ASB3: variants seen among roughly 807,000 people sequenced by gnomAD.
ASB3 encodes the protein ankyrin repeat and SOCS box containing 3.
ASB3 carries 41 observed loss-of-function variants against 54.5 expected under a neutral mutation model. The ratio of observed to expected loss-of-function variants is 0.75; its 90% CI spans 0.59 to 0.98. ASB3 has a LOEUF of 0.98. Ranked by LOEUF, ASB3 falls within the 50% of genes least tolerant of loss-of-function variation. ASB3 has a pLI of 0.00. For synonymous variants in ASB3, 266 were observed against 221.2 expected (o/e 1.20, Z -1.80); for missense variants, 733 against 620.0 (o/e 1.18, Z -1.94).
At chr2:53,723,988 G>GA (rs941628663) in intron 5 of ASB3, among the ~76,000 whole-genome samples, 25 of 150,656 alleles carry the variant, frequency 1.7e-4, no homozygotes, top group Non-Finnish European at 3.1e-4. Context: ...ATCCTAGTTA[G>GA]AAAAAAAAAT....
intron 1 of ASB3, among the ~76,000 whole-genome samples, chr2:53,781,499 T>A (rs1361596596): frequency 6.6e-6 from 1 of 151,520 alleles, no homozygotes; most frequent in African/African-American, 2.4e-5. Context: ...TTCTTTCCAT[T>A]TTTTTTTTCT....
At chr2:53,683,072 T>C (rs1180527756) in intron 9 of ASB3, among the ~76,000 whole-genome samples, 1 of 152,192 alleles carries the variant, frequency 6.6e-6, no homozygotes, top group East Asian at 1.9e-4. Context: ...GAGGAAAAGC[T>C]TCAAGTATTT....
chr2:53,740,689 G>C (rs1164318873), intron 3 of ASB3, among the ~76,000 whole-genome samples: 2 of 152,104 alleles, frequency 1.3e-5, no homozygotes, highest in African/African-American at 4.8e-5. Context: ...TTATGTTAGG[G>C]ATATAACAAA....
intron 1 of ASB3, among the ~76,000 whole-genome samples, chr2:53,785,224 G>T (rs1470789328): frequency 6.6e-6 from 1 of 152,140 alleles, no homozygotes; most frequent in African/African-American, 2.4e-5. Flanking sequence ...CATAACCTTA[G>T]TTTCTTTGCA....
chr2:53,703,580 C>G (rs1333505526), intron 7 of ASB3, among the ~76,000 whole-genome samples: 1 of 152,182 alleles, frequency 6.6e-6, no homozygotes, highest in Non-Finnish European at 1.5e-5. Flanking sequence ...GCCTGGGCAA[C>G]AGAGTGAAAT....
chr2:53,728,875 A>T (rs1447934169), intron 4 of ASB3, 28 bp from the exon 5 acceptor site: 8 of 1,552,532 alleles, frequency 5.2e-6, no homozygotes, highest in Non-Finnish European at 7.0e-6. Context: ...ATTTTAAATA[A>T]GAAAAAAACA....
chr2:53,765,322 A>T, intron 2 of ASB3, 55 bp downstream of exon 2: 1 of 1,605,138 alleles, frequency 6.2e-7, no homozygotes, highest in Admixed American at 1.7e-5. Context: ...ATACTTTTTT[A>T]TGTTTTATTA....
At chr2:53,782,251 T>C (rs1250249055) in intron 1 of ASB3, among the ~76,000 whole-genome samples, 2 of 152,128 alleles carry the variant, frequency 1.3e-5, no homozygotes, top group East Asian at 3.9e-4. Context: ...TACATTTTCC[T>C]CCGCTTCCTA....
At chr2:53,747,902 A>T (rs542373659) in intron 3 of ASB3, among the ~76,000 whole-genome samples, 1 of 152,346 alleles carries the variant, frequency 6.6e-6, no homozygotes, top group South Asian at 2.1e-4. Context: ...GGGATATAGC[A>T]CATAGTGTTT....
intron 8 of ASB3, among the ~76,000 whole-genome samples, chr2:53,697,387 C>A (rs1415032194): frequency 1.3e-5 from 2 of 152,146 alleles, no homozygotes; most frequent in African/African-American, 4.8e-5. Context: ...TGCTGCTCTG[C>A]CTATGAAATA....
chr2:53,768,216 A>G, intron 1 of ASB3: 1 of 605,654 alleles, frequency 1.7e-6, no homozygotes, highest in African/African-American at 1.9e-5. Context: ...ACTCCTTCCG[A>G]AGCTGCTTAA....
At chr2:53,723,553 C>T (rs974648760) in intron 5 of ASB3, among the ~76,000 whole-genome samples, 5 of 152,066 alleles carry the variant, frequency 3.3e-5, no homozygotes, top group East Asian at 3.8e-4. Context: ...AAACTACCGA[C>T]ACCATTTTTT....
chr2:53,673,825 C>G (rs757511874), intron 9 of ASB3, among the ~76,000 whole-genome samples: 2 of 152,122 alleles, frequency 1.3e-5, no homozygotes, highest in Non-Finnish European at 2.9e-5. Context: ...TTTAATTGCA[C>G]CATTTTGGTT....
At chr2:53,707,974 A>AAAAG (rs1297280289) in intron 7 of ASB3, among the ~76,000 whole-genome samples, 34 of 149,348 alleles carry the variant, frequency 2.3e-4, no homozygotes, top group African/African-American at 5.1e-4. Context: ...AAAAAAAAAA[A>AAAAG]AAAGAAAGAA....
chr2:53,758,038 A>C (rs1301431062), intron 2 of ASB3, among the ~76,000 whole-genome samples: 1 of 152,228 alleles, frequency 6.6e-6, no homozygotes, highest in Non-Finnish European at 1.5e-5. Context: ...AGAGGGAGAG[A>C]GAGAAAAAGA....
At chr2:53,711,398 T>C (rs902573867) in intron 7 of ASB3, among the ~76,000 whole-genome samples, 5 of 152,184 alleles carry the variant, frequency 3.3e-5, no homozygotes, top group African/African-American at 9.7e-5. Flanking sequence ...ATTAAACAAC[T>C]GGTCAATTAA....
chr2:53,720,123 G>C (rs1348708022), intron 5 of ASB3, among the ~76,000 whole-genome samples: 5 of 142,936 alleles, frequency 3.5e-5, no homozygotes, highest in Admixed American at 3.5e-4. Context: ...CCTTTGGAAA[G>C]GCTAATCAGA....
chr2:53,727,690 A>C (rs1260740742), intron 5 of ASB3, among the ~76,000 whole-genome samples: 2 of 152,096 alleles, frequency 1.3e-5, no homozygotes, highest in African/African-American at 4.8e-5. Flanking sequence ...TTTTCTATTT[A>C]AAGGAAGTTT....
intron 3 of ASB3, among the ~76,000 whole-genome samples, chr2:53,742,391 T>C (rs975743600): frequency 6.6e-6 from 1 of 151,834 alleles, no homozygotes; most frequent in African/African-American, 2.4e-5. Flanking sequence ...CATACAAAGA[T>C]ACAAGAATAA....
Sources: allele counts gnomAD v4.1 joint callset (sites outside exome capture counted in the v4.1 genomes callset), GRCh38; gene constraint gnomAD v4.1.1; transcripts MANE v1.5; gene names NCBI Gene and HGNC (gene_info 2026-07-23, HGNC 2026-07-21).